KCNMA1: variants seen among roughly 807,000 people sequenced by gnomAD.
The protein encoded by KCNMA1 is Calcium-activated potassium channel subunit alpha-1.
A neutral mutation model predicts 140.0 loss-of-function variants in KCNMA1; 29 were observed. The observed-to-expected ratio is 0.21, with a 90% CI of 0.15 to 0.28. The LOEUF (loss-of-function observed/expected upper bound fraction) is 0.28. Among genes scored for constraint, KCNMA1 ranks in the 10% least tolerant of loss-of-function variants. The pLI is 1.00. For synonymous variants in KCNMA1, 612 were observed against 611.9 expected (o/e 1.00, Z 0.00); for missense variants, 880 against 1,602.2 (o/e 0.55, Z 7.70).
At chr10:77,280,691 T>C (rs1241669702) in intron 2 of KCNMA1, among the ~76,000 whole-genome samples, 2 of 59,642 alleles carry the variant, frequency 3.4e-5, no homozygotes, top group East Asian at 7.0e-4. Flanking sequence ...CATGCCTGGC[T>C]TTTTTTTTTT....
At position 77,477,259 on chromosome 10, in the gene KCNMA1, G is replaced by C. The variant is rs371143076; in HGVS notation, c.379-73236C>G. Among the ~76,000 whole-genome samples the C allele has an allele frequency of 2.6e-5, 4 of 152,338 alleles. No individual in the cohort carries two copies. In the East Asian group the frequency reaches 7.7e-4, roughly 29 times the overall value. On this transcript the variant is annotated intron_variant, in intron 1 of 27. Coordinates refer to ENST00000286628, the MANE Select transcript of KCNMA1 (RefSeq NM_001161352.2). ...CCTTATCATAACACGAAACACTGAA[G>C]ATTCTGTTGGCTGATAGGAATAAGA... is the stretch of plus-strand genomic sequence containing the variant.
chr10:77,206,681 CAT>C (rs775537084), intron 3 of KCNMA1, among the ~76,000 whole-genome samples: 1 of 152,062 alleles, frequency 6.6e-6, no homozygotes, highest in African/African-American at 2.4e-5. Context: ...AAGCAGAAAA[CAT>C]GTGTGTTTTG....
At chr10:77,369,004 A>G (rs146081069) in intron 2 of KCNMA1, among the ~76,000 whole-genome samples, 77 of 152,288 alleles carry the variant, frequency 5.1e-4, no homozygotes, top group African/African-American at 1.8e-3. Flanking sequence ...TTCTTTTTCA[A>G]AATTATTTTA....
chr10:76,915,531 C>A (rs530718684), intron 23 of KCNMA1, among the ~76,000 whole-genome samples: 1 of 152,146 alleles, frequency 6.6e-6, no homozygotes, highest in Non-Finnish European at 1.5e-5. Flanking sequence ...TAGACAACAG[C>A]CCTGGACAGT....
chr10:77,321,798 T>G (rs1329358425), intron 2 of KCNMA1, among the ~76,000 whole-genome samples: 2 of 152,172 alleles, frequency 1.3e-5, no homozygotes, highest in East Asian at 3.8e-4. Flanking sequence ...AGTAAATCAT[T>G]ACTGCAGCTT....
In KCNMA1 at chr10:77,279,803, G is replaced by A. The variant is rs2067858188; in HGVS notation, c.541-28547C>T. Among the ~76,000 whole-genome samples the A allele has an allele frequency of 1.3e-5, 2 of 152,122 alleles. 1 individual carries two copies. The highest frequency in any genetic ancestry group is 4.2e-4 in the South Asian group (2 of 4,808). ...AGGAATAAGTCTCATGAGATCTGAT[G>A]GTTTTATAAGGAGGGGTTTCCCTGC... On this transcript the variant is annotated intron_variant, in intron 2 of 27. Coordinates refer to ENST00000286628, the MANE Select transcript of KCNMA1 (RefSeq NM_001161352.2).
At chr10:76,992,664 C>A (rs1443144833) in intron 19 of KCNMA1, among the ~76,000 whole-genome samples, 1 of 152,150 alleles carries the variant, frequency 6.6e-6, no homozygotes, top group Admixed American at 6.5e-5. Context: ...GACTCAAGTG[C>A]TTTTCCATGC....
At chr10:76,872,305 A>G (rs936828894), downstream of KCNMA1, 1 of 152,202 alleles carries the variant, frequency 6.6e-6, no homozygotes, top group African/African-American at 2.4e-5. Context: ...GCACACGGTG[A>G]GTTGTTGACT....
intron 29 of KCNMA1, among the ~76,000 whole-genome samples, chr10:76,879,810 T>A (rs1383702855): frequency 6.6e-6 from 1 of 152,236 alleles, no homozygotes; most frequent in Non-Finnish European, 1.5e-5. Context: ...TTTTTTGTGA[T>A]CTACGATTAA....
At chr10:77,364,691 G>A (rs773533226) in intron 2 of KCNMA1, among the ~76,000 whole-genome samples, 3 of 152,100 alleles carry the variant, frequency 2.0e-5, no homozygotes, top group South Asian at 2.1e-4. Context: ...AATGACACAA[G>A]TGGCTACAAC....
chr10:77,613,501 G>T (rs1603638551), intron 1 of KCNMA1, among the ~76,000 whole-genome samples: 1 of 152,350 alleles, frequency 6.6e-6, no homozygotes, highest in East Asian at 1.9e-4. Flanking sequence ...ACTGGTTTTG[G>T]CTGCCAAGGG....
At position 77,218,682 on chromosome 10, in the gene KCNMA1, A is replaced by G. The variant is rs1352582970; in HGVS notation, c.602+32513T>C. 2.0e-5 allele frequency among the ~76,000 whole-genome samples: 3 copies of G among 152,060 alleles called. No homozygotes were observed. In the South Asian group the frequency reaches 6.2e-4, roughly 32 times the overall value. ...ATATATGAGACTGTTGGATTTATTT[A>G]TTTACTGATTTATTTATTTATTGAG... is the stretch of plus-strand genomic sequence containing the variant. On this transcript the variant is annotated intron_variant, in intron 3 of 27. Transcript: ENST00000286628.
At chr10:77,425,472 G>A (rs2096963760) in intron 1 of KCNMA1, among the ~76,000 whole-genome samples, 1 of 152,024 alleles carries the variant, frequency 6.6e-6, no homozygotes, top group African/African-American at 2.4e-5. Context: ...TGGACATGTA[G>A]CCCACACTCT....
chr10:77,242,030 G>A (rs981828049), intron 3 of KCNMA1, among the ~76,000 whole-genome samples: 10 of 152,018 alleles, frequency 6.6e-5, no homozygotes, highest in African/African-American at 2.2e-4. Context: ...GCCTGTTTGC[G>A]AGCAGCACAA....
intron 10 of KCNMA1, among the ~76,000 whole-genome samples, chr10:77,086,872 T>C (rs561729063): frequency 6.6e-6 from 1 of 152,352 alleles, no homozygotes; most frequent in East Asian, 1.9e-4. Context: ...ATGAATGGAA[T>C]TCCTATCTTA....
Position 77,473,034 on chromosome 10 carries a change from G to A in KCNMA1, c.379-69011C>T, listed in dbSNP as rs146059235. On this transcript the variant is annotated intron_variant, in intron 1 of 27. Coordinates refer to ENST00000286628, the MANE Select transcript of KCNMA1 (RefSeq NM_001161352.2). ...AGGGTGCTGTACCCTAACCCTCCAC[G>A]GCTGTGGCCTGCCCTGGGTCACCTC... Among the ~76,000 whole-genome samples the A allele has an allele frequency of 6.6e-3, 1,002 of 152,304 alleles. 9 individuals are homozygous for A. The highest frequency in any genetic ancestry group is 0.043 in the South Asian group (207 of 4,816).
At chr10:77,282,343 C>T (rs761958544) in intron 2 of KCNMA1, among the ~76,000 whole-genome samples, 4 of 152,164 alleles carry the variant, frequency 2.6e-5, no homozygotes, top group South Asian at 2.1e-4. Context: ...TGTGCCACCA[C>T]GTGGACTTTG....
chr10:77,012,679 G>A (rs1305071648), intron 17 of KCNMA1: 1 of 773,308 alleles, frequency 1.3e-6, no homozygotes. Flanking sequence ...ATCCAGCCCT[G>A]AGAACATGCA....
At chr10:77,607,151 G>C (rs2084849919) in intron 1 of KCNMA1, among the ~76,000 whole-genome samples, 1 of 152,224 alleles carries the variant, frequency 6.6e-6, no homozygotes, top group African/African-American at 2.4e-5. Context: ...TGTCAGAAAA[G>C]GGTCTGAGTA....
Sources: allele counts gnomAD v4.1 joint callset (sites outside exome capture counted in the v4.1 genomes callset), GRCh38; gene constraint gnomAD v4.1.1; transcripts MANE v1.5; gene names NCBI Gene and HGNC (gene_info 2026-07-23, HGNC 2026-07-21).